Variants in FAM98B observed in about 807,000 individuals in gnomAD.
FAM98B encodes tRNA splicing ligase complex subunit 3B.
Under a neutral mutation model 43.9 loss-of-function variants are expected in FAM98B, and 32 were observed. The observed-to-expected ratio is 0.73, with a 90% CI of 0.55 to 0.98. The LOEUF (loss-of-function observed/expected upper bound fraction) is 0.98, where lower values mean the gene tolerates loss of function less well. Ranked by LOEUF, FAM98B falls within the 50% of genes least tolerant of loss-of-function variation. The pLI, the probability that FAM98B is intolerant of heterozygous loss-of-function variation, is 0.00. For missense variants in FAM98B, 514 were observed against 522.9 expected (o/e 0.98, Z 0.17); for synonymous variants, 190 against 174.0 (o/e 1.09, Z -0.72).
At chr15:38,484,058 CG>C (rs1890326611) in intron 7 of FAM98B, among the ~76,000 whole-genome samples, 196 bp from the exon 8 acceptor site, 1 of 151,800 alleles carries the variant, frequency 6.6e-6, no homozygotes, top group Admixed American at 6.6e-5. Context: ...TCTGTCTAGC[CG>C]TGATTTTGTA....
chr15:38,467,113 A>G lies in FAM98B; in HGVS notation c.352+1710A>G, dbSNP rs567582727. On this transcript the variant is annotated intron_variant, in intron 3 of 7. Coordinates refer to ENST00000397609, the MANE Select transcript of FAM98B (RefSeq NM_173611.4). ...TGTTTATATTTTTGCTTACTTAGAC[A>G]AAGATTAGGAACATTTAAAATAGTC... Among the ~76,000 whole-genome samples, 11 of 152,258 alleles carry G rather than the reference A, an allele frequency of 7.2e-5. No individual in the cohort carries two copies. The South Asian group carries it at 1.9e-3, about 26-fold the overall frequency.
Position 38,485,321 on chromosome 15 carries a change from A to T in FAM98B, c.*662A>T, listed in dbSNP as rs1026765478. ...CAGCATGATTTTGTTTGACAAAGCA[A>T]AGTTTAAGATTGAGGTCAGAAATAC... On this transcript the variant is annotated 3_prime_UTR_variant, in exon 8 of 8. Transcript: ENST00000397609. 6.6e-6 allele frequency: 1 copy of T among 152,284 alleles called. No homozygotes were observed. Among genetic ancestry groups the T allele is most frequent in the Non-Finnish European group, 1.5e-5 (1 of 68,076 alleles). 9.4% of individuals were successfully genotyped at this position (152,284 alleles called of 1,614,324 possible).
chr15:38,474,066 G>T, intron 5 of FAM98B, 116 bp from the exon 6 acceptor site: 1 of 650,492 alleles, frequency 1.5e-6, no homozygotes, highest in East Asian at 2.7e-5. Context: ...AACAGAAAAT[G>T]GTCAGTAAGT....
In FAM98B at chr15:38,465,307, G is replaced by T. The variant is rs1419699654; in HGVS notation, c.256G>T (p.Gly86Cys). ...DLESFQLEIS[G>C]FLKEMACPYS... ...AGAGAGCTTCCAGCTTGAGATAAGT[G>T]GCTTTTTAAAAGAAATGGCATGTCC... is the stretch of plus-strand genomic sequence containing the variant. Residue 86 changes from glycine (G) to cysteine (C), a missense_variant, in exon 3 of 8, where the codon GGC becomes TGC. Physicochemically the swap from Gly to Cys is radical, Grantham distance 159. Transcript: ENST00000397609. 6.2e-7 allele frequency: 1 copy of T among 1,610,474 alleles called. No individual in the cohort carries two copies. The highest frequency in any genetic ancestry group is 8.5e-7 in the Non-Finnish European group (1 of 1,178,968).
At chr15:38,475,310 A>T (rs1890180247) in intron 6 of FAM98B, among the ~76,000 whole-genome samples, 1 of 152,152 alleles carries the variant, frequency 6.6e-6, no homozygotes, top group African/African-American at 2.4e-5. Context: ...CTTTCACATG[A>T]CATCTCTTTC....
At chr15:38,481,623 G>A (rs1367098806) in intron 7 of FAM98B, 164 bp downstream of exon 7, 4 of 1,552,474 alleles carry the variant, frequency 2.6e-6, no homozygotes, top group Non-Finnish European at 1.7e-6. Context: ...GTGTATGTGT[G>A]TATGTTCACT....
chr15:38,464,428 T>C (rs1468138694), intron 2 of FAM98B, among the ~76,000 whole-genome samples: 1 of 152,194 alleles, frequency 6.6e-6, no homozygotes, highest in Admixed American at 6.5e-5. Context: ...CTCTGATATC[T>C]GCTGTCTAAA....
chr15:38,473,182 A>T (rs184762668), intron 4 of FAM98B, among the ~76,000 whole-genome samples: 1 of 152,266 alleles, frequency 6.6e-6, no homozygotes, highest in African/African-American at 2.4e-5. Context: ...AGAAAGTAAG[A>T]AAGTGCTATC....
At chr15:38,470,197 TTA>T in intron 3 of FAM98B, 28 bp from the exon 4 acceptor site, 1 of 1,333,124 alleles carries the variant, frequency 7.5e-7, no homozygotes, top group Non-Finnish European at 1.0e-6. Context: ...TATACATGTA[TTA>T]ACATTATTTA....
intron 1 of FAM98B, chr15:38,458,981 A>T (rs1049096676): frequency 3.4e-5 from 13 of 386,252 alleles, no homozygotes; most frequent in Non-Finnish European, 6.9e-5. Flanking sequence ...GCCCTGGTGG[A>T]ACCACAGGAC....
intron 1 of FAM98B, among the ~76,000 whole-genome samples, chr15:38,454,471 G>T (rs898750907): frequency 6.6e-6 from 1 of 152,244 alleles, no homozygotes; most frequent in African/African-American, 2.4e-5. Flanking sequence ...TTCTTGCCTC[G>T]AAACTCTGTT....
intron 1 of FAM98B, among the ~76,000 whole-genome samples, chr15:38,456,467 A>G (rs771672792): frequency 6.6e-6 from 1 of 152,248 alleles, no homozygotes; most frequent in African/African-American, 2.4e-5. Context: ...TTAAATATTT[A>G]TTGAACACAC....
At chr15:38,468,952 G>C (rs1374288071) in intron 3 of FAM98B, among the ~76,000 whole-genome samples, 1 of 152,202 alleles carries the variant, frequency 6.6e-6, no homozygotes, top group Non-Finnish European at 1.5e-5. Context: ...TGTCACCCAG[G>C]CTGGAGTGCA....
At chr15:38,476,529 TTC>T (rs1162704715) in intron 6 of FAM98B, among the ~76,000 whole-genome samples, 1 of 152,122 alleles carries the variant, frequency 6.6e-6, no homozygotes, top group African/African-American at 2.4e-5. Context: ...TCCCCTCATT[TTC>T]TCTCTCCTTT....
intron 1 of FAM98B, chr15:38,459,439 T>C (rs1450817105): frequency 5.6e-6 from 2 of 359,768 alleles, no homozygotes. Flanking sequence ...GAAGATGTTA[T>C]ATCCACGAGG....
intron 1 of FAM98B, among the ~76,000 whole-genome samples, chr15:38,460,121 C>T (rs1183066737): frequency 6.6e-6 from 1 of 152,200 alleles, no homozygotes; most frequent in African/African-American, 2.4e-5. Flanking sequence ...TGACCAGCAA[C>T]TATGCTTCCA....
chr15:38,464,748 A>C (rs1315048680), intron 2 of FAM98B, among the ~76,000 whole-genome samples: 4 of 152,180 alleles, frequency 2.6e-5, no homozygotes, highest in Admixed American at 6.5e-5. Context: ...CATTCACAAA[A>C]GTAGCTTTTT....
intron 4 of FAM98B, among the ~76,000 whole-genome samples, chr15:38,472,127 A>G (rs1268537492): frequency 6.6e-6 from 1 of 152,280 alleles, no homozygotes; most frequent in South Asian, 2.1e-4. Flanking sequence ...AACTTACTCT[A>G]TAACAAGTGA....
chr15:38,477,957 T>G (rs79276542), intron 6 of FAM98B, among the ~76,000 whole-genome samples: 10,545 of 152,284 alleles, frequency 0.069, 528 homozygotes, highest in East Asian at 0.17. Context: ...TCTGGAAACT[T>G]AAATAGAGGT....
Sources: allele counts gnomAD v4.1 joint callset (sites outside exome capture counted in the v4.1 genomes callset), GRCh38; gene constraint gnomAD v4.1.1; transcripts MANE v1.5; gene names NCBI Gene and HGNC (gene_info 2026-07-23, HGNC 2026-07-21).